The following ALK variants were observed in gnomAD, a reference collection of about 807,000 sequenced individuals.
ALK encodes the protein ALK tyrosine kinase receptor.
ALK carries 74 observed loss-of-function variants against 163.1 expected under a neutral mutation model. The ratio of observed to expected loss-of-function variants is 0.45; its 90% confidence interval spans 0.38 to 0.55. The LOEUF (loss-of-function observed/expected upper bound fraction) is 0.55, where lower values mean the gene tolerates loss of function less well. Among genes scored for constraint, ALK ranks in the 20% least tolerant of loss-of-function variants. The pLI is 0.00. For missense variants in ALK, 2,063 were observed against 2,105.3 expected (o/e 0.98, Z 0.39); for synonymous variants, 960 against 843.2 (o/e 1.14, Z -2.40).
At chr2:29,549,163 C>CACACACACACGG (rs1673650089) in intron 3 of ALK, among the ~76,000 whole-genome samples, 2 of 149,326 alleles carry the variant, frequency 1.3e-5, no homozygotes, top group Non-Finnish European at 3.0e-5. Context: ...CACACACACG[C>CACACACACACGG]ACACACACAC....
At chr2:29,864,656 T>C (rs1666380066) in intron 1 of ALK, among the ~76,000 whole-genome samples, 1 of 151,192 alleles carries the variant, frequency 6.6e-6, no homozygotes, top group Non-Finnish European at 1.5e-5. Flanking sequence ...TATTTCTTCA[T>C]ACATATTGTC....
chr2:29,897,322 A>G (rs1667297544), intron 1 of ALK, among the ~76,000 whole-genome samples: 1 of 152,080 alleles, frequency 6.6e-6, no homozygotes, highest in Admixed American at 6.5e-5. Context: ...GCCTGGACAG[A>G]GTGAGACTCC....
intron 1 of ALK, among the ~76,000 whole-genome samples, chr2:29,839,116 C>T (rs1161262928): frequency 6.6e-6 from 1 of 152,066 alleles, no homozygotes; most frequent in Non-Finnish European, 1.5e-5. Flanking sequence ...TGGTAGTCTG[C>T]AAAGGGCTCT....
intron 3 of ALK, among the ~76,000 whole-genome samples, chr2:29,636,230 A>G (rs1356058412): frequency 6.6e-6 from 1 of 152,158 alleles, no homozygotes; most frequent in Non-Finnish European, 1.5e-5. Flanking sequence ...ATATGCCCAT[A>G]TTCTTGATAA....
At chr2:29,301,568 A>C (rs573421579) in intron 8 of ALK, among the ~76,000 whole-genome samples, 1 of 152,274 alleles carries the variant, frequency 6.6e-6, no homozygotes, top group Admixed American at 6.5e-5. Flanking sequence ...GCACTTTCTT[A>C]CATTCTATGG....
At chr2:29,456,482 T>C (rs1413602613) in intron 4 of ALK, among the ~76,000 whole-genome samples, 1 of 152,164 alleles carries the variant, frequency 6.6e-6, no homozygotes, top group African/African-American at 2.4e-5. Context: ...TATTGTATGA[T>C]ACCACTTACA....
rs114120653 is a variant in ALK, at chr2:29,362,335, C to A, written c.1282+21397G>T. On this transcript the variant is annotated intron_variant, in intron 5 of 28. Coordinates refer to ENST00000389048, the MANE Select transcript of ALK (RefSeq NM_004304.5). ...CAAACACTAGCAACTCACAATCTGG[C>A]ACATAGTATTCAGCTTCAATATTCT... Among the ~76,000 whole-genome samples, 709 of 152,232 alleles carry A rather than the reference C, an allele frequency of 4.7e-3. 8 individuals carry two copies. Among genetic ancestry groups the A allele is most frequent in the African/African-American group, 0.016 (683 of 41,536 alleles).
rs1235124703 is a variant in ALK, at chr2:29,193,809, G to A, written c.4278C>T (p.Val1426=). The A allele has an allele frequency of 1.2e-6, 2 of 1,602,760 alleles. No individual in the cohort carries two copies. Among genetic ancestry groups the A allele is most frequent in the East Asian group, 4.5e-5 (2 of 44,786 alleles). The part of the protein sequence containing the change: ...KDPEGVPPLL[V]SQQAKREEER... Reference sequence around the variant, plus strand: ...CCTCCTCCCGTTTTGCCTGTTGAGAGACCAGGAGAGGAGGAACCCCCTCAG... The same window carrying A: ...CCTCCTCCCGTTTTGCCTGTTGAGAAACCAGGAGAGGAGGAACCCCCTCAG... The change falls in exon 29 of 29, where the codon GTC becomes GTT. Residue 1426 remains valine, a synonymous_variant. Transcript: ENST00000389048.
intron 13 of ALK, among the ~76,000 whole-genome samples, chr2:29,237,575 C>G (rs1276290909): frequency 6.6e-6 from 1 of 152,140 alleles, no homozygotes; most frequent in Non-Finnish European, 1.5e-5. Flanking sequence ...TCCTTGAGAG[C>G]AAAGATCTTT....
At chr2:29,583,051 T>G (rs1026297257) in intron 3 of ALK, among the ~76,000 whole-genome samples, 1 of 150,564 alleles carries the variant, frequency 6.6e-6, no homozygotes, top group Non-Finnish European at 1.5e-5. Flanking sequence ...TGTTTTTTTG[T>G]TTTTTTTAGT....
At chr2:29,657,855 T>A (rs1677232010) in intron 3 of ALK, among the ~76,000 whole-genome samples, 2 of 152,146 alleles carry the variant, frequency 1.3e-5, no homozygotes, top group African/African-American at 4.8e-5. Flanking sequence ...GAAAAACTCT[T>A]TGGCAACTGG....
At chr2:29,900,863 A>T (rs1344728935) in intron 1 of ALK, among the ~76,000 whole-genome samples, 1 of 152,212 alleles carries the variant, frequency 6.6e-6, no homozygotes, top group African/African-American at 2.4e-5. Context: ...AGAAGGAGTG[A>T]GGGACAAGGG....
chr2:29,726,695 G>A (rs1036059560), intron 1 of ALK, among the ~76,000 whole-genome samples: 2 of 152,198 alleles, frequency 1.3e-5, no homozygotes, highest in Non-Finnish European at 1.5e-5. Context: ...ACTTTCACAG[G>A]AAGAAGGGAG....
intron 1 of ALK, among the ~76,000 whole-genome samples, chr2:29,844,274 T>A (rs62131022): frequency 0.29 from 43,870 of 152,080 alleles, 6,841 homozygotes; most frequent in East Asian, 0.54. Context: ...GAGGTGCTGT[T>A]GCGTGGCTAG....
intron 4 of ALK, among the ~76,000 whole-genome samples, chr2:29,434,246 G>T (rs1670343996): frequency 6.6e-6 from 1 of 152,102 alleles, no homozygotes; most frequent in Non-Finnish European, 1.5e-5. Flanking sequence ...ACTCCAAGTG[G>T]GCATATTGTC....
intron 1 of ALK, chr2:29,907,058 T>A (rs1667571354): frequency 6.8e-6 from 1 of 146,990 alleles, no homozygotes; most frequent in Admixed American, 6.9e-5. Flanking sequence ...CACGCCATTC[T>A]CCTGCCTCAG....
At chr2:29,207,087 T>C in intron 26 of ALK, 84 bp downstream of exon 26, 1 of 1,049,496 alleles carries the variant, frequency 9.5e-7, no homozygotes, top group Non-Finnish European at 1.5e-6. Flanking sequence ...ACACACGGGC[T>C]CCCGGCTTAG....
chr2:29,811,860 A>G (rs766822799), intron 1 of ALK, among the ~76,000 whole-genome samples: 22 of 152,124 alleles, frequency 1.4e-4, no homozygotes, highest in Non-Finnish European at 2.4e-4. Flanking sequence ...CGCCCCTTCC[A>G]GTTCAAATGT....
At chr2:29,500,228 T>A (rs1419706374) in intron 4 of ALK, among the ~76,000 whole-genome samples, 2 of 152,154 alleles carry the variant, frequency 1.3e-5, no homozygotes, top group Middle Eastern at 3.2e-3. Context: ...GGGGGTGGAA[T>A]CCTCATGAAA....
Sources: allele counts gnomAD v4.1 joint callset (sites outside exome capture counted in the v4.1 genomes callset), GRCh38; gene constraint gnomAD v4.1.1; transcripts MANE v1.5; gene names NCBI Gene and HGNC (gene_info 2026-07-23, HGNC 2026-07-21).